AFF4: variants seen among roughly 807,000 people sequenced by gnomAD.
The protein encoded by AFF4 is ALF transcription elongation factor 4.
In AFF4, 13 loss-of-function variants were observed where a neutral mutation model predicts 124.8. That is an observed-to-expected ratio of 0.10 (90% CI 0.07 to 0.17). The LOEUF (loss-of-function observed/expected upper bound fraction) is 0.17, where lower values mean the gene tolerates loss of function less well. Ranked by LOEUF, AFF4 falls within the 10% of genes least tolerant of loss-of-function variation. The pLI is 1.00. For synonymous variants in AFF4, 477 were observed against 496.1 expected (o/e 0.96, Z 0.51); for missense variants, 1,092 against 1,403.8 (o/e 0.78, Z 3.55).
At chr5:132,959,757 CTTTTTTTTT>C (rs1163731664) in intron 1 of AFF4, among the ~76,000 whole-genome samples, 5 of 71,506 alleles carry the variant, frequency 7.0e-5, no homozygotes, top group African/African-American at 1.1e-4. Context: ...GAGTGCTTTT[CTTTTTTTTT>C]TTTTTTTTTT....
chr5:132,917,952 C>A lies in AFF4; in HGVS notation c.1050+9169G>T, dbSNP rs1313024469. 3.3e-5 allele frequency among the ~76,000 whole-genome samples: 5 copies of A among 151,190 alleles called. No homozygotes were observed. The East Asian group carries it at 7.8e-4, about 24-fold the overall frequency. On this transcript the variant is annotated intron_variant, in intron 5 of 20. Coordinates refer to ENST00000265343, the MANE Select transcript of AFF4 (RefSeq NM_014423.4). ...GCCAGGCTGGTCTTGAACTCCCGAC[C>A]TCAGGTGATCCTCCTTCAGCCTCCC...
chr5:132,894,390 G>A (rs1338019031), intron 11 of AFF4, among the ~76,000 whole-genome samples: 1 of 152,170 alleles, frequency 6.6e-6, no homozygotes, highest in Non-Finnish European at 1.5e-5. Context: ...AAAACTTTCT[G>A]ATGGAAAACA....
intron 1 of AFF4, among the ~76,000 whole-genome samples, chr5:132,949,505 C>A (rs1761780315): frequency 6.6e-6 from 1 of 151,988 alleles, no homozygotes; most frequent in Non-Finnish European, 1.5e-5. Context: ...AGTGAGACCT[C>A]ATCTCTTAAA....
Position 132,875,831 on chromosome 5 carries a change from A to G in AFF4, c.*5228T>C. ...GGTTGAAAATGTCAGATGCCTAAAT[A>G]TTTTGGATAAAAGAAATGTAAAACA... On this transcript the variant is annotated 3_prime_UTR_variant, in exon 21 of 21. Transcript: ENST00000265343. 4.6e-6 allele frequency: 1 copy of G among 215,290 alleles called. No individual in the cohort carries two copies. Among genetic ancestry groups the G allele is most frequent in the East Asian group, 7.0e-5 (1 of 14,336 alleles). The allele number at this position is 215,290 out of a possible 1,614,324, so 13.3% of individuals were successfully genotyped here.
At chr5:132,893,648 A>T (rs1269715758) in intron 11 of AFF4, among the ~76,000 whole-genome samples, 1 of 151,890 alleles carries the variant, frequency 6.6e-6, no homozygotes, top group Non-Finnish European at 1.5e-5. Flanking sequence ...CTCCCAGCTA[A>T]TTTTTTGTAT....
intron 5 of AFF4, among the ~76,000 whole-genome samples, chr5:132,905,847 T>G (rs1760660315): frequency 6.6e-6 from 1 of 152,050 alleles, no homozygotes; most frequent in Non-Finnish European, 1.5e-5. Context: ...AAAAGACAAC[T>G]CACAGAATAG....
In AFF4 at chr5:132,925,178, AAAATAAATAAAT is replaced by A. The variant is rs59847844; in HGVS notation, c.1050+1931_1050+1942del. Among the ~76,000 whole-genome samples the A allele has an allele frequency of 1.0e-3, 154 of 151,000 alleles. 5 individuals are homozygous for A. The highest frequency in any genetic ancestry group is 8.6e-4 in the Admixed American group (13 of 15,182). On this transcript the variant is annotated intron_variant, in intron 5 of 20. Transcript: ENST00000265343. ...TGACAAAGGGAGACTCCATCTCAGAAAAATAAATAAATAAATAAATAAATAAATAAATACCGG... is the reference window on the plus strand; with the variant it reads ...TGACAAAGGGAGACTCCATCTCAGAAAAATAAATAAATAAATAAATACCGG...
At chr5:132,922,379 C>G (rs545641632) in intron 5 of AFF4, among the ~76,000 whole-genome samples, 144 of 152,058 alleles carry the variant, frequency 9.5e-4, no homozygotes, top group African/African-American at 3.4e-3. Context: ...GATCATGCCA[C>G]TGCACTCTAG....
At chr5:132,942,081 G>A (rs1377837273) in intron 1 of AFF4, among the ~76,000 whole-genome samples, 1 of 151,850 alleles carries the variant, frequency 6.6e-6, no homozygotes, top group Admixed American at 6.6e-5. Context: ...CCTACCTGGA[G>A]ATACTGTCAG....
chr5:132,959,287 AATTTTTGT>A (rs2150116090), intron 1 of AFF4, among the ~76,000 whole-genome samples: 1 of 152,036 alleles, frequency 6.6e-6, no homozygotes, highest in South Asian at 2.1e-4. Context: ...ATGCCCAGCT[AATTTTTGT>A]ATTTTTAGTA....
At chr5:132,935,776 A>G (rs1169180065) in intron 2 of AFF4, among the ~76,000 whole-genome samples, 2 of 151,158 alleles carry the variant, frequency 1.3e-5, no homozygotes, top group East Asian at 3.9e-4. Flanking sequence ...AAAAAAAACT[A>G]GCCCGGCAAG....
At chr5:132,957,438 A>C (rs1368839912) in intron 1 of AFF4, among the ~76,000 whole-genome samples, 1 of 152,044 alleles carries the variant, frequency 6.6e-6, no homozygotes, top group Non-Finnish European at 1.5e-5. Flanking sequence ...TTAACTATTA[A>C]AATTTACAGA....
At position 132,881,063 on chromosome 5, in the gene AFF4, G is replaced by A. The variant is rs1322379057; in HGVS notation, c.3488C>T (p.Ser1163Phe). ...HWLRQDAKLI[S>F] Reference sequence around the variant, plus strand: ...GGCAACGAGAATGTGTTCAGTTCAAGATATCAACTTGGCATCCTGGCGAAG... The same window carrying A: ...GGCAACGAGAATGTGTTCAGTTCAAAATATCAACTTGGCATCCTGGCGAAG... Residue 1163 changes from serine to phenylalanine, a missense_variant, in exon 21 of 21, where the codon TCT becomes TTT. Physicochemically the swap from Ser to Phe is radical, Grantham distance 155 (BLOSUM62 -2). Around this residue, in one of 11 missense-constraint regions of AFF4, gnomAD observed 173 missense variants for 294.9 expected, o/e 0.59. Coordinates refer to ENST00000265343, the MANE Select transcript of AFF4 (RefSeq NM_014423.4). 6.2e-7 allele frequency: 1 copy of A among 1,613,236 alleles called. No individual in the cohort carries two copies.
At chr5:132,899,686 A>G in intron 7 of AFF4, 45 bp from the exon 8 acceptor site, 1 of 1,528,614 alleles carries the variant, frequency 6.5e-7, no homozygotes, top group Non-Finnish European at 9.0e-7. Context: ...AACAGTTTAC[A>G]TGGTATGCCA....
At chr5:132,930,255 G>T (rs1761268378) in intron 4 of AFF4, among the ~76,000 whole-genome samples, 1 of 152,188 alleles carries the variant, frequency 6.6e-6, no homozygotes, top group African/African-American at 2.4e-5. Flanking sequence ...GGTGGAAAAG[G>T]CAAGTCAAAG....
chr5:132,962,602 C>T (rs1762103106), intron 1 of AFF4, among the ~76,000 whole-genome samples: 2 of 152,064 alleles, frequency 1.3e-5, no homozygotes, highest in African/African-American at 4.8e-5. Context: ...AGGAACAAAG[C>T]ACTGACGTCA....
chr5:132,930,933 T>TA (rs775336427), intron 4 of AFF4, among the ~76,000 whole-genome samples: 2,305 of 78,512 alleles, frequency 0.029, 51 homozygotes, highest in South Asian at 0.048. Context: ...CTATCTCTAC[T>TA]AAAAAAAAAA....
chr5:132,889,132 T>C lies in AFF4; in HGVS notation c.2679A>G (p.Ala893=), dbSNP rs1276326010. The C allele has an allele frequency of 3.1e-6, 5 of 1,613,982 alleles. No individual in the cohort carries two copies. In the Admixed American group the frequency reaches 6.7e-5, roughly 22 times the overall value. The change falls in exon 14 of 21, where the codon GCA becomes GCG. Residue 893 remains alanine, a synonymous_variant. Transcript: ENST00000265343. ...PSSSSNCPPS[A]PTLDSSKPRR... is the part of the protein sequence containing the mutation. Reference sequence around the variant, plus strand: ...GAGGCTTAGAAGAATCAAGAGTTGGTGCAGATGGAGGACAGTTAGAGGAGC... The same window carrying C: ...GAGGCTTAGAAGAATCAAGAGTTGGCGCAGATGGAGGACAGTTAGAGGAGC...
intron 18 of AFF4, among the ~76,000 whole-genome samples, chr5:132,885,684 G>A (rs187077205): frequency 1.3e-5 from 2 of 152,238 alleles, no homozygotes; most frequent in Admixed American, 1.3e-4. Flanking sequence ...GATTTTAGGA[G>A]GATTTATGTG....
Sources: allele counts gnomAD v4.1 joint callset (sites outside exome capture counted in the v4.1 genomes callset), GRCh38; gene constraint gnomAD v4.1.1; regional missense constraint gnomAD v4.1.1; transcripts MANE v1.5; gene names NCBI Gene and HGNC (gene_info 2026-07-23, HGNC 2026-07-21).